Variants in STAG1 observed in about 807,000 individuals in gnomAD.
STAG1 encodes STAG1 cohesin complex component, also known as cohesin subunit SA-1.
Under a neutral mutation model 170.9 loss-of-function variants are expected in STAG1, and 26 were observed. The ratio of observed to expected loss-of-function variants is 0.15; its 90% confidence interval spans 0.11 to 0.21. The LOEUF (loss-of-function observed/expected upper bound fraction) is 0.21. Among genes scored for constraint, STAG1 ranks in the 10% least tolerant of loss-of-function variants. STAG1 has a pLI of 1.00. For synonymous variants in STAG1, 514 were observed against 497.7 expected (o/e 1.03, Z -0.44); for missense variants, 964 against 1,509.5 (o/e 0.64, Z 5.99).
rs1284074265 is a variant in STAG1 at position 136,477,346 on chromosome 3, A to G, written c.969T>C (p.Ser323=). 2.5e-6 allele frequency: 4 copies of G among 1,613,180 alleles called. No homozygotes were observed. The highest frequency in any genetic ancestry group is 1.7e-5 in the Admixed American group (1 of 59,950). Residue 323 remains serine (S), a synonymous_variant, in exon 10 of 34, where the codon AGT becomes AGC. Coordinates refer to ENST00000383202, the MANE Select transcript of STAG1 (RefSeq NM_005862.3). The part of the protein sequence containing the change: ...EEIGVWMKMY[S]DAFLNDSYLK... Reference sequence around the variant, plus strand: ...GGTAACTGTCATTTAGGAAGGCATCACTATACATTTTCATCCATACTCCAA... The same window carrying G: ...GGTAACTGTCATTTAGGAAGGCATCGCTATACATTTTCATCCATACTCCAA...
chr3:136,668,498 T>C (rs1343456914), intron 1 of STAG1, among the ~76,000 whole-genome samples: 1 of 150,660 alleles, frequency 6.6e-6, no homozygotes, highest in Non-Finnish European at 1.5e-5. Flanking sequence ...GTTAAAACTT[T>C]AAGAAACATT....
intron 10 of STAG1, among the ~76,000 whole-genome samples, chr3:136,476,218 T>G (rs983453107): frequency 4.6e-5 from 7 of 152,196 alleles, no homozygotes; most frequent in African/African-American, 1.2e-4. Context: ...CTAGTAGCCC[T>G]TGTCTTGATA....
intron 20 of STAG1, among the ~76,000 whole-genome samples, chr3:136,420,647 C>T (rs2056133125): frequency 1.3e-5 from 2 of 152,182 alleles, no homozygotes; most frequent in South Asian, 4.1e-4. Flanking sequence ...AGTGGCTATT[C>T]ACAGGTACGA....
chr3:136,528,880 A>G (rs899944576), intron 6 of STAG1, among the ~76,000 whole-genome samples: 6 of 152,080 alleles, frequency 3.9e-5, no homozygotes, highest in Non-Finnish European at 7.4e-5. Flanking sequence ...CAGTGAGCCA[A>G]GATCATGCCA....
At chr3:136,407,380 G>A (rs552421004) in intron 21 of STAG1, among the ~76,000 whole-genome samples, 1 of 152,254 alleles carries the variant, frequency 6.6e-6, no homozygotes, top group Admixed American at 6.5e-5. Context: ...TACTTTGTTA[G>A]ATTTATACCT....
chr3:136,723,290 C>A (rs1404282859), intron 1 of STAG1, among the ~76,000 whole-genome samples: 5 of 151,528 alleles, frequency 3.3e-5, no homozygotes, highest in Non-Finnish European at 5.9e-5. Flanking sequence ...AAGTGAGGAG[C>A]GTCTCTGCCC....
chr3:136,737,965 G>C (rs544099594), intron 1 of STAG1, among the ~76,000 whole-genome samples: 6 of 152,150 alleles, frequency 3.9e-5, no homozygotes, highest in African/African-American at 1.4e-4. Flanking sequence ...CTACTCAGGA[G>C]GCTGAGGCAG....
chr3:136,426,545 A>G (rs1309244038), intron 16 of STAG1, among the ~76,000 whole-genome samples: 1 of 152,248 alleles, frequency 6.6e-6, no homozygotes, highest in Non-Finnish European at 1.5e-5. Flanking sequence ...TATTAAATAT[A>G]TATGAATCTA....
intron 21 of STAG1, among the ~76,000 whole-genome samples, chr3:136,404,367 T>C (rs1292826706): frequency 2.6e-5 from 4 of 152,128 alleles, no homozygotes; most frequent in South Asian, 2.1e-4. Flanking sequence ...CTAATGTGTA[T>C]TGCACATTTC....
chr3:136,485,618 T>C (rs1044417521), intron 9 of STAG1, among the ~76,000 whole-genome samples: 1 of 152,234 alleles, frequency 6.6e-6, no homozygotes, highest in African/African-American at 2.4e-5. Flanking sequence ...ATATATCCAC[T>C]GCTCAGCTAA....
intron 5 of STAG1, among the ~76,000 whole-genome samples, chr3:136,563,398 T>C (rs1576610793): frequency 6.6e-6 from 1 of 152,140 alleles, no homozygotes; most frequent in South Asian, 2.1e-4. Flanking sequence ...TTTTGTTTTC[T>C]TGGGGATTTG....
intron 7 of STAG1, among the ~76,000 whole-genome samples, chr3:136,519,429 T>C (rs1008732666): frequency 6.6e-6 from 1 of 152,094 alleles, no homozygotes; most frequent in Non-Finnish European, 1.5e-5. Context: ...TCCTTCTCTC[T>C]TGGCCTTGGG....
chr3:136,474,527 T>A (rs546208822), intron 10 of STAG1, among the ~76,000 whole-genome samples: 1 of 152,212 alleles, frequency 6.6e-6, no homozygotes, highest in Non-Finnish European at 1.5e-5. Flanking sequence ...TTGTTCTCTT[T>A]GCAGATTTAT....
intron 3 of STAG1, among the ~76,000 whole-genome samples, chr3:136,619,384 G>GT (rs1015210658): frequency 6.0e-5 from 9 of 150,738 alleles, no homozygotes; most frequent in Admixed American, 5.3e-4. Flanking sequence ...CAATAAGCAA[G>GT]TAAGTAAAAT....
intron 14 of STAG1, among the ~76,000 whole-genome samples, chr3:136,450,241 T>G (rs1346306045): frequency 6.6e-6 from 1 of 152,208 alleles, no homozygotes; most frequent in Admixed American, 6.5e-5. Context: ...GTGTGATCCT[T>G]GGACCACGAG....
At chr3:136,439,194 C>CAAAAAAA (rs1163622178) in intron 15 of STAG1, among the ~76,000 whole-genome samples, 1 of 63,642 alleles carries the variant, frequency 1.6e-5, no homozygotes, top group Non-Finnish European at 2.8e-5. Flanking sequence ...GACCCAGACT[C>CAAAAAAA]AAAAAAAAAA....
intron 1 of STAG1, among the ~76,000 whole-genome samples, chr3:136,685,579 T>C (rs1336202642): frequency 6.6e-6 from 1 of 152,172 alleles, no homozygotes; most frequent in African/African-American, 2.4e-5. Context: ...CGTCCTTCGG[T>C]AGGTGAATAG....
chr3:136,496,004 C>T (rs989379341), intron 9 of STAG1, among the ~76,000 whole-genome samples: 5 of 146,188 alleles, frequency 3.4e-5, no homozygotes, highest in African/African-American at 1.3e-4. Context: ...ATTAGCTGGG[C>T]GTGGTGGTGC....
chr3:136,370,066 CTATACTATACTATACTAT>C (rs1937243968), intron 23 of STAG1, among the ~76,000 whole-genome samples: 1 of 77,100 alleles, frequency 1.3e-5, no homozygotes, highest in African/African-American at 7.9e-5. Context: ...CTATACTATA[CTATACTATACTATACTAT>C]ACTATACTAT....
Sources: allele counts gnomAD v4.1 joint callset (sites outside exome capture counted in the v4.1 genomes callset), GRCh38; gene constraint gnomAD v4.1.1; transcripts MANE v1.5; gene names NCBI Gene and HGNC (gene_info 2026-07-23, HGNC 2026-07-21).